The following NPSR1 variants were observed in gnomAD, a reference collection of about 807,000 sequenced individuals.
NPSR1 encodes the protein neuropeptide S receptor.
Under a neutral mutation model 46.9 loss-of-function variants are expected in NPSR1, and 48 were observed. That is an observed-to-expected ratio of 1.02 (90% CI 0.81 to 1.30). NPSR1 has a LOEUF of 1.30. NPSR1 is among the 50% of genes most tolerant of loss of function. The pLI, the probability that NPSR1 is intolerant of heterozygous loss-of-function variation, is 0.00. For synonymous variants in NPSR1, 176 were observed against 168.1 expected, an observed-to-expected ratio of 1.05 and a Z score of -0.36; for missense variants, 450 against 449.5, an observed-to-expected ratio of 1.00 and a Z score of -0.01.
intron 2 of NPSR1, among the ~76,000 whole-genome samples, chr7:34,699,271 G>A (rs564806876): frequency 2.7e-4 from 41 of 152,240 alleles, no homozygotes; most frequent in African/African-American, 9.4e-4. Context: ...CCTGTGTCCA[G>A]GAGTTCAAGA....
chr7:34,848,768 TC>T (rs1284741165), intron 8 of NPSR1, 105 bp downstream of exon 8: 12 of 1,016,090 alleles, frequency 1.2e-5, no homozygotes, highest in African/African-American at 8.1e-5. Flanking sequence ...GGTTACAGGA[TC>T]CCCCTTTTAT....
chr7:34,677,508 C>T (rs570739257), intron 1 of NPSR1, among the ~76,000 whole-genome samples: 1 of 152,286 alleles, frequency 6.6e-6, no homozygotes, highest in African/African-American at 2.4e-5. Flanking sequence ...ATCCAAAAGG[C>T]TATCAGAATG....
At chr7:34,694,868 C>T (rs1449940643) in intron 2 of NPSR1, among the ~76,000 whole-genome samples, 1 of 152,122 alleles carries the variant, frequency 6.6e-6, no homozygotes, top group East Asian at 1.9e-4. Flanking sequence ...CATCACCATG[C>T]CCAGCTAATT....
intron 4 of NPSR1, among the ~76,000 whole-genome samples, chr7:34,813,314 G>C (rs1789084436): frequency 6.6e-6 from 1 of 152,146 alleles, no homozygotes; most frequent in African/African-American, 2.4e-5. Flanking sequence ...TAATATCTCT[G>C]TGAGGTGGGC....
chr7:34,751,334 C>A (rs1785513671), intron 2 of NPSR1: 1 of 1,026,476 alleles, frequency 9.7e-7, no homozygotes, highest in African/African-American at 1.6e-5. Flanking sequence ...CAGAACTTGC[C>A]AAGGGTAGGT....
At position 34,849,962 on chromosome 7, in the gene NPSR1, G is replaced by A; in HGVS notation, c.*307G>A. ...CATTAGTGGTCCAGGGTCCTGGCTT[G>A]GAGCCAGTGAGTAGACAGGCAAGCA... On this transcript the variant is annotated 3_prime_UTR_variant, in exon 9 of 9. Coordinates refer to ENST00000360581, the MANE Select transcript of NPSR1 (RefSeq NM_207172.2). 1 of 1,105,702 alleles carries A rather than the reference G, an allele frequency of 9.0e-7. No homozygotes were observed. The highest frequency in any genetic ancestry group is 1.1e-6 in the Non-Finnish European group (1 of 904,608). The allele number at this position is 1,105,702 out of a possible 1,614,324, so 68.5% of individuals were successfully genotyped here.
chr7:34,876,344 A>T (rs1791573201), intron 8 of NPSR1, among the ~76,000 whole-genome samples: 1 of 152,218 alleles, frequency 6.6e-6, no homozygotes, highest in Non-Finnish European at 1.5e-5. Flanking sequence ...CCTGGTCTGC[A>T]ACATGCAGAT....
chr7:34,782,584 T>C (rs1787277592), intron 3 of NPSR1, among the ~76,000 whole-genome samples: 1 of 152,144 alleles, frequency 6.6e-6, no homozygotes. Flanking sequence ...TCATAGGGCA[T>C]GGTCTTTCCA....
Position 34,792,679 on chromosome 7 carries a change from A to ATATATATT in NPSR1, c.384+14121_384+14122insTTATATAT, listed in dbSNP as rs1562733206. ...TATATATATATTTATATATATGTAT[A>ATATATATT]TATATATATGTATATATATACGTAT... On this transcript the variant is annotated intron_variant, in intron 3 of 8. Coordinates refer to ENST00000360581, the MANE Select transcript of NPSR1 (RefSeq NM_207172.2). Among the ~76,000 whole-genome samples the ATATATATT allele has an allele frequency of 6.6e-4, 81 of 121,920 alleles. 2 individuals are homozygous for ATATATATT. Among genetic ancestry groups the ATATATATT allele is most frequent in the South Asian group, 4.8e-3 (20 of 4,176 alleles). The allele number at this position is 121,920 out of a possible 152,430, so 80.0% of individuals were successfully genotyped here. A position where few individuals can be genotyped will look rare whatever the true frequency, so the allele number is the denominator to read the frequency against.
intron 1 of NPSR1, among the ~76,000 whole-genome samples, chr7:34,667,492 A>C (rs1372521611): frequency 4.0e-5 from 6 of 151,828 alleles, no homozygotes; most frequent in African/African-American, 1.5e-4. Context: ...CAGCTTCTTC[A>C]CCCTCCTGGC....
At chr7:34,773,892 A>C (rs571422187) in intron 2 of NPSR1, among the ~76,000 whole-genome samples, 1 of 152,286 alleles carries the variant, frequency 6.6e-6, no homozygotes, top group East Asian at 1.9e-4. Context: ...AATTAGTGTT[A>C]AACGCATGAC....
At chr7:34,829,129 C>T (rs576501706) in intron 5 of NPSR1, among the ~76,000 whole-genome samples, 8 of 152,212 alleles carry the variant, frequency 5.3e-5, no homozygotes, top group Admixed American at 3.3e-4. Flanking sequence ...CTGGGAGAAA[C>T]GTTATCCATC....
At chr7:34,841,122 T>C (rs1790548971) in intron 6 of NPSR1, among the ~76,000 whole-genome samples, 1 of 152,216 alleles carries the variant, frequency 6.6e-6, no homozygotes, top group Non-Finnish European at 1.5e-5. Flanking sequence ...AAGTTTCTAA[T>C]ATAGGAAGCA....
chr7:34,845,021 A>C, intron 7 of NPSR1, 39 bp downstream of exon 7: 1 of 1,458,378 alleles, frequency 6.9e-7, no homozygotes, highest in African/African-American at 1.4e-5. Flanking sequence ...AGTGGTATGA[A>C]CGTCCCAAAA....
intron 8 of NPSR1, among the ~76,000 whole-genome samples, chr7:34,864,908 A>G (rs1272969168): frequency 6.6e-6 from 1 of 151,862 alleles, no homozygotes; most frequent in African/African-American, 2.4e-5. Flanking sequence ...TCCAGGCACA[A>G]CTACACTATA....
chr7:34,828,740 C>T (rs745799294), intron 5 of NPSR1, among the ~76,000 whole-genome samples: 3 of 152,180 alleles, frequency 2.0e-5, no homozygotes, highest in Admixed American at 1.3e-4. Context: ...CCTCATAACT[C>T]ATTCTTGTGG....
chr7:34,838,077 C>T (rs1276023179), intron 6 of NPSR1, among the ~76,000 whole-genome samples: 2 of 152,164 alleles, frequency 1.3e-5, no homozygotes, highest in Non-Finnish European at 2.9e-5. Flanking sequence ...CCTCCTACAG[C>T]TCTCCTGTTC....
intron 2 of NPSR1, among the ~76,000 whole-genome samples, chr7:34,775,881 C>T (rs187243900): frequency 6.6e-6 from 1 of 151,962 alleles, no homozygotes; most frequent in African/African-American, 2.4e-5. Flanking sequence ...CATAAACTTC[C>T]CTCTTAGTGA....
intron 3 of NPSR1, among the ~76,000 whole-genome samples, chr7:34,782,438 G>A (rs1482607699): frequency 6.6e-6 from 1 of 152,090 alleles, no homozygotes; most frequent in Non-Finnish European, 1.5e-5. Flanking sequence ...AATTCTTGCT[G>A]CTACTGCCAA....
Sources: gnomAD v4.1 joint callset for allele counts (sites outside exome capture counted in the v4.1 genomes callset) on GRCh38, gnomAD v4.1.1 for gene constraint, MANE v1.5 for transcripts, NCBI Gene and HGNC (gene_info 2026-07-23, HGNC 2026-07-21) for gene names.